The following SLC4A1AP variants were observed in gnomAD, a reference collection of about 807,000 sequenced individuals.
SLC4A1AP encodes kanadaptin.
SLC4A1AP carries 64 observed loss-of-function variants against 89.7 expected under a neutral mutation model. The ratio of observed to expected loss-of-function variants is 0.71; its 90% CI spans 0.58 to 0.88. The LOEUF is 0.88. SLC4A1AP is among the 40% of genes least tolerant of loss of function. The pLI is 0.00. For missense variants in SLC4A1AP, 931 were observed against 965.0 expected, an observed-to-expected ratio of 0.96 and a Z score of 0.47; for synonymous variants, 366 against 353.3, an observed-to-expected ratio of 1.04 and a Z score of -0.40.
intron 5 of SLC4A1AP, among the ~76,000 whole-genome samples, chr2:27,672,657 T>C (rs1675444550): frequency 6.6e-6 from 1 of 152,192 alleles, no homozygotes; most frequent in South Asian, 2.1e-4. Flanking sequence ...GTTTTTTTAT[T>C]TGGGGATGAA....
chr2:27,680,751 A>T (rs529182218), intron 8 of SLC4A1AP, among the ~76,000 whole-genome samples: 2 of 152,034 alleles, frequency 1.3e-5, no homozygotes, highest in South Asian at 4.2e-4. Context: ...AAACAAACAA[A>T]CAAAAACAAA....
chr2:27,694,847 T>C (rs1034294518), exon 14 of SLC4A1AP: 17 of 468,778 alleles, frequency 3.6e-5, no homozygotes, highest in Admixed American at 2.6e-4. Context: ...TCTGCCCATA[T>C]GATTCTCATG....
chr2:27,672,021 GT>G (rs1195115837), intron 5 of SLC4A1AP, among the ~76,000 whole-genome samples: 1 of 152,162 alleles, frequency 6.6e-6, no homozygotes, highest in African/African-American at 2.4e-5. Context: ...ATCCTAAACT[GT>G]TCAGATTTTG....
At chr2:27,669,168 A>G in intron 4 of SLC4A1AP, 80 bp from the exon 5 acceptor site, 2 of 1,429,390 alleles carry the variant, frequency 1.4e-6, no homozygotes, top group Non-Finnish European at 1.9e-6. Flanking sequence ...AAAAAAAATG[A>G]CTATTATCAT....
exon 6 of SLC4A1AP, chr2:27,675,565 A>T: frequency 6.2e-7 from 1 of 1,601,436 alleles, no homozygotes. Flanking sequence ...AACTGGGAAG[A>T]TGAAGACTTT....
At chr2:27,693,891 T>C in intron 13 of SLC4A1AP, 137 bp downstream of exon 13, 2 of 540,856 alleles carry the variant, frequency 3.7e-6, no homozygotes, top group Non-Finnish European at 6.1e-6. Flanking sequence ...TGGATCCTTA[T>C]TCAAACAAAC....
At chr2:27,677,810 A>T in exon 8 of SLC4A1AP, 1 of 1,613,882 alleles carries the variant, frequency 6.2e-7, no homozygotes. Context: ...AGTACATTAG[A>T]TGGTGTGTCC....
intron 2 of SLC4A1AP, among the ~76,000 whole-genome samples, chr2:27,666,578 A>G (rs1042797258): frequency 1.3e-5 from 2 of 152,118 alleles, no homozygotes; most frequent in African/African-American, 4.8e-5. Context: ...GGCAGATATA[A>G]GAAGTATTAG....
chr2:27,664,518 C>T lies in SLC4A1AP; in HGVS notation c.766C>T (p.Arg256Ter), dbSNP rs1250487540. 2 of 1,614,156 alleles carry T rather than the reference C, an allele frequency of 1.2e-6. No homozygotes were observed. Among genetic ancestry groups the T allele is most frequent in the South Asian group, 1.1e-5 (1 of 91,084 alleles). ...TCGCATCCCACCTCGCACCTACTGT[C>T]GAGTCCACGTTGGGCATGTTGTTCG... Residue 256 changes from arginine (R) to a stop codon, truncating the protein, a stop_gained, in exon 1 of 14, where the codon CGA becomes TGA. Coordinates refer to ENST00000613058, the Ensembl canonical transcript of SLC4A1AP. LOFTEE classifies it high-confidence loss of function.
intron 10 of SLC4A1AP, 95 bp from the exon 11 acceptor site, chr2:27,687,839 A>C (rs13023094): frequency 0.2 from 171,073 of 837,188 alleles, 19,602 homozygotes; most frequent in East Asian, 0.37. Context: ...ATGATTATGT[A>C]CTTAGCTTCT....
At chr2:27,676,827 C>CT (rs1675531236) in intron 6 of SLC4A1AP, among the ~76,000 whole-genome samples, 1 of 124,456 alleles carries the variant, frequency 8.0e-6, no homozygotes, top group African/African-American at 3.0e-5. Context: ...GAGACTCCAT[C>CT]TCAAAAAAAA....
At chr2:27,676,262 C>G (rs1378899092) in intron 6 of SLC4A1AP, among the ~76,000 whole-genome samples, 1 of 152,138 alleles carries the variant, frequency 6.6e-6, no homozygotes, top group East Asian at 1.9e-4. Context: ...ACAATACAAC[C>G]TTTTAAGTGA....
chr2:27,683,068 A>C (rs866555271), intron 9 of SLC4A1AP, among the ~76,000 whole-genome samples: 2 of 152,160 alleles, frequency 1.3e-5, no homozygotes, highest in African/African-American at 2.4e-5. Context: ...ATTTTTCTTC[A>C]TTTAATCCTT....
intron 5 of SLC4A1AP, among the ~76,000 whole-genome samples, chr2:27,673,326 T>TC (rs1427516372): frequency 2.2e-3 from 8 of 3,574 alleles, no homozygotes; most frequent in Admixed American, 4.9e-3. Flanking sequence ...CTCTCTCTCT[T>TC]TCTTTTCTTT....
chr2:27,673,783 A>G (rs1675469358), intron 5 of SLC4A1AP, among the ~76,000 whole-genome samples: 1 of 152,164 alleles, frequency 6.6e-6, no homozygotes, highest in Non-Finnish European at 1.5e-5. Context: ...TTAGGCTTAT[A>G]TTAATAAGGA....
intron 3 of SLC4A1AP, 139 bp downstream of exon 3, chr2:27,667,529 C>T (rs1675349665): frequency 5.0e-6 from 4 of 807,612 alleles, no homozygotes; most frequent in Non-Finnish European, 7.1e-6. Flanking sequence ...CTCTTGTGGT[C>T]AGTTGCTTTA....
At chr2:27,679,003 C>T in intron 8 of SLC4A1AP, among the ~76,000 whole-genome samples, 2 of 152,054 alleles carry the variant, frequency 1.3e-5, no homozygotes, top group Non-Finnish European at 2.9e-5. Flanking sequence ...CAGGTGTGAG[C>T]CACCACACCT....
At chr2:27,671,162 C>T (rs1675423240) in intron 5 of SLC4A1AP, among the ~76,000 whole-genome samples, 1 of 152,042 alleles carries the variant, frequency 6.6e-6, no homozygotes, top group Non-Finnish European at 1.5e-5. Context: ...ACCTCATGAT[C>T]CGCCTGCCTT....
intron 13 of SLC4A1AP, among the ~76,000 whole-genome samples, chr2:27,694,178 T>C (rs1675835150): frequency 6.6e-6 from 1 of 152,170 alleles, no homozygotes; most frequent in Non-Finnish European, 1.5e-5. Flanking sequence ...GTTAGTTTCT[T>C]ATGGATACTT....
Sources: gnomAD v4.1 joint callset for allele counts (sites outside exome capture counted in the v4.1 genomes callset) on GRCh38, gnomAD v4.1.1 for gene constraint, MANE v1.5 for transcripts, NCBI Gene and HGNC (gene_info 2026-07-23, HGNC 2026-07-21) for gene names.